The following TMEM132D variants were observed in gnomAD, a reference collection of about 807,000 sequenced individuals.
The protein encoded by TMEM132D is mature OL transmembrane protein.
A neutral mutation model predicts 62.3 loss-of-function variants in TMEM132D; 21 were observed. The observed-to-expected ratio is 0.34, with a 90% CI of 0.24 to 0.49. The LOEUF is 0.49. Ranked by LOEUF, TMEM132D falls within the 20% of genes least tolerant of loss-of-function variation. TMEM132D has a pLI of 0.99. For synonymous variants in TMEM132D, 621 were observed against 575.6 expected, an observed-to-expected ratio of 1.08 and a Z score of -1.13; for missense variants, 1,346 against 1,402.8, an observed-to-expected ratio of 0.96 and a Z score of 0.65.
intron 2 of TMEM132D, among the ~76,000 whole-genome samples, chr12:129,553,324 C>G (rs1218772076): frequency 6.6e-6 from 1 of 152,200 alleles, no homozygotes; most frequent in African/African-American, 2.4e-5. Context: ...GTCAGGCTCG[C>G]CTTTCCCCTG....
intron 1 of TMEM132D, among the ~76,000 whole-genome samples, chr12:129,728,543 G>T (rs879856550): frequency 1.3e-5 from 2 of 152,198 alleles, no homozygotes; most frequent in Non-Finnish European, 2.9e-5. Context: ...AAAGCAGCCT[G>T]CAGGGCGTGA....
intron 4 of TMEM132D, among the ~76,000 whole-genome samples, chr12:129,215,622 A>G (rs915094480): frequency 2.0e-5 from 3 of 152,238 alleles, no homozygotes; most frequent in Non-Finnish European, 4.4e-5. Flanking sequence ...AGGTGGTGGT[A>G]TGTGGTTAAA....
chr12:129,586,053 G>GC lies in TMEM132D; in HGVS notation c.969-54849_969-54848insG, dbSNP rs35429960. ...ACAAATAGTTCTTTGGAATAAAATA[G>GC]AGGGTCTAGCAGCAGAACCAGGCAC... On this transcript the variant is annotated intron_variant, in intron 2 of 8. Coordinates refer to ENST00000422113, the MANE Select transcript of TMEM132D (RefSeq NM_133448.3). 4.7e-3 allele frequency among the ~76,000 whole-genome samples: 702 copies of GC among 150,880 alleles called. 1 individual carries two copies. Among genetic ancestry groups the GC allele is most frequent in the Non-Finnish European group, 7.2e-3 (489 of 68,006 alleles).
intron 2 of TMEM132D, among the ~76,000 whole-genome samples, chr12:129,573,116 G>A (rs1032132141): frequency 4.6e-5 from 7 of 152,176 alleles, no homozygotes; most frequent in African/African-American, 1.4e-4. Context: ...GTGGTGCTAG[G>A]TGACTGCACA....
intron 2 of TMEM132D, among the ~76,000 whole-genome samples, chr12:129,653,989 T>C (rs537581174): frequency 6.6e-6 from 1 of 152,306 alleles, no homozygotes; most frequent in African/African-American, 2.4e-5. Context: ...TGACTGCTTC[T>C]TAGACCTTCC....
chr12:129,665,080 G>A (rs545992979), intron 2 of TMEM132D, among the ~76,000 whole-genome samples: 41 of 152,166 alleles, frequency 2.7e-4, no homozygotes, highest in Middle Eastern at 3.4e-3. Flanking sequence ...TTCACCAGTC[G>A]CAAAATTCTG....
intron 3 of TMEM132D, among the ~76,000 whole-genome samples, chr12:129,497,326 A>T (rs1242732411): frequency 6.6e-6 from 1 of 152,088 alleles, no homozygotes; most frequent in African/African-American, 2.4e-5. Flanking sequence ...ATAAATAAAA[A>T]TAAAACATAC....
chr12:129,405,721 T>C (rs914800316), intron 3 of TMEM132D, among the ~76,000 whole-genome samples: 4 of 152,200 alleles, frequency 2.6e-5, no homozygotes, highest in Non-Finnish European at 5.9e-5. Flanking sequence ...TCCAGATTTC[T>C]TTCTGGTGCC....
chr12:129,696,025 C>G (rs1881200455), intron 2 of TMEM132D, among the ~76,000 whole-genome samples: 1 of 152,178 alleles, frequency 6.6e-6, no homozygotes, highest in Non-Finnish European at 1.5e-5. Flanking sequence ...AGAAGAAATC[C>G]TATTCTGGGC....
intron 4 of TMEM132D, among the ~76,000 whole-genome samples, chr12:129,319,609 C>T (rs11060247): frequency 0.059 from 8,959 of 152,132 alleles, 346 homozygotes; most frequent in South Asian, 0.1. Context: ...CCCAAGGACT[C>T]GAAACAGGCA....
chr12:129,125,499 AGTT>A (rs373146062), intron 5 of TMEM132D, among the ~76,000 whole-genome samples: 36,644 of 127,050 alleles, frequency 0.29, 6,046 homozygotes, highest in Non-Finnish European at 0.37. Flanking sequence ...AATTACTATG[AGTT>A]TTTTTTTTTT....
chr12:129,271,179 T>C (rs1880843340), intron 4 of TMEM132D, among the ~76,000 whole-genome samples: 1 of 152,168 alleles, frequency 6.6e-6, no homozygotes, highest in Admixed American at 6.5e-5. Flanking sequence ...TGGGACTGAC[T>C]GATGGGGATT....
chr12:129,613,180 C>T (rs1436526910), intron 2 of TMEM132D, among the ~76,000 whole-genome samples: 1 of 152,136 alleles, frequency 6.6e-6, no homozygotes, highest in Non-Finnish European at 1.5e-5. Flanking sequence ...CACCCCGTCA[C>T]TTTGGCACGT....
At position 129,095,290 on chromosome 12, in the gene TMEM132D, C is replaced by T. The variant is rs532406635; in HGVS notation, c.1444-10588G>A. ...TGGAGGCAGGGTCTTTATAGGGGTGCTTAAGTAAAAATGAGGTCACTAACA... is the reference window on the plus strand; with the variant it reads ...TGGAGGCAGGGTCTTTATAGGGGTGTTTAAGTAAAAATGAGGTCACTAACA... On this transcript the variant is annotated intron_variant, in intron 5 of 8. Transcript: ENST00000422113. Among the ~76,000 whole-genome samples, 7 of 149,676 alleles carry T rather than the reference C, an allele frequency of 4.7e-5. No individual in the cohort carries two copies. In the South Asian group the frequency reaches 1.5e-3, roughly 32 times the overall value.
At chr12:129,472,673 T>C (rs1049481478) in intron 3 of TMEM132D, among the ~76,000 whole-genome samples, 5 of 152,166 alleles carry the variant, frequency 3.3e-5, no homozygotes, top group Non-Finnish European at 7.3e-5. Flanking sequence ...TTTGTGGACA[T>C]AGTTGAAATG....
intron 2 of TMEM132D, chr12:129,682,858 C>CAAAA (rs1565947661): frequency 2.3e-5 from 1 of 44,414 alleles, no homozygotes; most frequent in African/African-American, 8.2e-5. Context: ...GACTCCATCT[C>CAAAA]TAAAAAAAAA....
intron 5 of TMEM132D, among the ~76,000 whole-genome samples, chr12:129,203,776 C>T (rs1878770102): frequency 6.6e-6 from 1 of 152,272 alleles, no homozygotes; most frequent in Non-Finnish European, 1.5e-5. Flanking sequence ...CCATATTTCC[C>T]CAGGGAGCAT....
chr12:129,515,786 C>T (rs1397761508), intron 3 of TMEM132D, among the ~76,000 whole-genome samples: 1 of 152,236 alleles, frequency 6.6e-6, no homozygotes, highest in Non-Finnish European at 1.5e-5. Context: ...GTCCAATCAC[C>T]TTTCTATGTA....
In TMEM132D at chr12:129,740,867, C is replaced by A. The variant is rs142450892; in HGVS notation, c.80-40169G>T. Among the ~76,000 whole-genome samples, 227 of 152,306 alleles carry A rather than the reference C, an allele frequency of 1.5e-3. 1 individual carries two copies. The highest frequency in any genetic ancestry group is 5.1e-3 in the African/African-American group (211 of 41,562). ...GCAAGAATGTATTTATACTTTCCGG[C>A]CACTTTCTGTTATCTCAAGGATTTC... On this transcript the variant is annotated intron_variant, in intron 1 of 8. Transcript: ENST00000422113.
Sources: gnomAD v4.1 joint callset for allele counts (sites outside exome capture counted in the v4.1 genomes callset) on GRCh38, gnomAD v4.1.1 for gene constraint, MANE v1.5 for transcripts, NCBI Gene and HGNC (gene_info 2026-07-23, HGNC 2026-07-21) for gene names.